The following GLI3 variants were observed in gnomAD, a reference collection of about 807,000 sequenced individuals.
The protein encoded by GLI3 is transcription activator GLI3.
Under a neutral mutation model 100.8 loss-of-function variants are expected in GLI3, and 20 were observed. That is an observed-to-expected ratio of 0.20 (90% confidence interval 0.14 to 0.29). The LOEUF is 0.29. Among genes scored for constraint, GLI3 ranks in the 10% least tolerant of loss-of-function variants. The pLI, the probability that GLI3 is intolerant of heterozygous loss-of-function variation, is 1.00. For missense variants in GLI3, 2,040 were observed against 2,128.5 expected, an observed-to-expected ratio of 0.96 and a Z score of 0.82; for synonymous variants, 938 against 860.5, an observed-to-expected ratio of 1.09 and a Z score of -1.58.
Position 41,966,455 on chromosome 7 carries a change from C to A in GLI3, c.2618G>T (p.Ser873Ile). ...CTGTGACGCCTCGCTGGAGCGGCGG[C>A]TGGAGAAGCAGGGCGAGATCCCTGA... ...RSSGISPCFS[S>I]RRSSEASQAE... The change falls in exon 15 of 15, where the codon AGC becomes ATC. Residue 873 changes from serine to isoleucine, a missense_variant. By Grantham distance (142) the Ser-to-Ile change is moderately radical (BLOSUM62 -2). This residue lies in a region of GLI3 where 327 missense variants were observed against 338.7 expected (regional missense o/e 0.97). Transcript: ENST00000395925. This position sits in a 1 kb window ranked among gnomAD's most constrained non-coding sequence, Gnocchi z 5.8. The A allele has an allele frequency of 6.2e-7, 1 of 1,612,316 alleles. No homozygotes were observed. Among genetic ancestry groups the A allele is most frequent in the Non-Finnish European group, 8.5e-7 (1 of 1,179,646 alleles).
At chr7:42,087,977 G>A (rs950116003) in intron 3 of GLI3, among the ~76,000 whole-genome samples, 20 of 152,080 alleles carry the variant, frequency 1.3e-4, no homozygotes, top group Admixed American at 1.2e-3. Flanking sequence ...TAAAGCACAC[G>A]ACATGGCTTC....
At chr7:42,042,410 C>A (rs1335406111) in intron 6 of GLI3, among the ~76,000 whole-genome samples, 1 of 152,164 alleles carries the variant, frequency 6.6e-6, no homozygotes, top group Non-Finnish European at 1.5e-5. Flanking sequence ...CCATGAGAGG[C>A]TAATTTCATC....
At chr7:42,170,320 C>CAATGTAGAAATA (rs1296382968) in intron 2 of GLI3, among the ~76,000 whole-genome samples, 2 of 146,610 alleles carry the variant, frequency 1.4e-5, no homozygotes, top group Non-Finnish European at 3.0e-5. Context: ...AAAAACTTCT[C>CAATGTAGAAATA]AATGTAGAAA....
intron 10 of GLI3, among the ~76,000 whole-genome samples, chr7:41,985,750 G>A (rs1291848104): frequency 6.6e-6 from 1 of 152,110 alleles, no homozygotes; most frequent in Non-Finnish European, 1.5e-5. Context: ...CTGTCATGAT[G>A]TGGATTATAT....
intron 4 of GLI3, among the ~76,000 whole-genome samples, chr7:42,061,610 T>A (rs1784570855): frequency 6.6e-6 from 1 of 152,180 alleles, no homozygotes; most frequent in Non-Finnish European, 1.5e-5. Context: ...GCTCTTTAGA[T>A]GTAACTGGAA....
At chr7:42,237,343 G>A (rs951419333), upstream of GLI3, among the ~76,000 whole-genome samples, 1 of 151,936 alleles carries the variant, frequency 6.6e-6, no homozygotes, top group South Asian at 2.1e-4. Flanking sequence ...TGGTTCAACC[G>A]CGGGAGGGAG....
At chr7:42,115,940 G>A (rs2128768679) in intron 3 of GLI3, among the ~76,000 whole-genome samples, 1 of 152,150 alleles carries the variant, frequency 6.6e-6, no homozygotes, top group Non-Finnish European at 1.5e-5. Context: ...AGAGATTGTT[G>A]TGGGTTGTCT....
chr7:42,021,041 G>A (rs1788926918), intron 10 of GLI3, among the ~76,000 whole-genome samples: 1 of 152,068 alleles, frequency 6.6e-6, no homozygotes, highest in Non-Finnish European at 1.5e-5. Context: ...CACCATTACT[G>A]CTGCCAGATA....
intron 3 of GLI3, among the ~76,000 whole-genome samples, chr7:42,105,804 C>T (rs1316465153): frequency 1.3e-5 from 2 of 152,034 alleles, no homozygotes; most frequent in African/African-American, 4.8e-5. Context: ...AATCAATTTT[C>T]CTCAAGCAAA....
chr7:41,972,270 C>A lies in GLI3; in HGVS notation c.2103+67G>T, dbSNP rs916937448. On this transcript the variant is annotated intron_variant, in intron 13 of 14. Coordinates refer to ENST00000395925, the MANE Select transcript of GLI3 (RefSeq NM_000168.6). This position sits in a 1 kb window ranked among gnomAD's most constrained non-coding sequence, Gnocchi z 4.4. ...GTGAGGACCGGGAAGTCCTGTCCCT[C>A]TATGCACCCTACCTGGCTCTTTTAA... is the stretch of plus-strand genomic sequence containing the variant. 5 of 1,461,288 alleles carry A rather than the reference C, an allele frequency of 3.4e-6. No individual in the cohort carries two copies. The East Asian group carries it at 1.1e-4, about 33-fold the overall frequency. 90.5% of individuals were successfully genotyped at this position (1,461,288 alleles called of 1,614,324 possible).
At chr7:42,135,116 A>G (rs1211513861) in intron 3 of GLI3, among the ~76,000 whole-genome samples, 2 of 152,152 alleles carry the variant, frequency 1.3e-5, no homozygotes, top group South Asian at 2.1e-4. Context: ...TTGATATGCA[A>G]CTTAATTGTT....
intron 1 of GLI3, among the ~76,000 whole-genome samples, chr7:42,259,171 T>C (rs1346420909): frequency 6.6e-6 from 1 of 152,236 alleles, no homozygotes; most frequent in Admixed American, 6.5e-5. Flanking sequence ...TGCTTTCAAA[T>C]ATTCAACTCA....
At chr7:42,049,165 T>C (rs370310346) in intron 4 of GLI3, among the ~76,000 whole-genome samples, 87 of 152,090 alleles carry the variant, frequency 5.7e-4, no homozygotes, top group African/African-American at 1.9e-3. Context: ...CAGAACAGAA[T>C]GAAAGAATAC....
intron 12 of GLI3, 106 bp downstream of exon 12, chr7:41,977,452 G>T: frequency 8.3e-7 from 1 of 1,197,892 alleles, no homozygotes; most frequent in Non-Finnish European, 1.2e-6. Flanking sequence ...TGCTGGGAAT[G>T]GCCAAGGGGA....
chr7:42,216,561 A>G (rs528494509), intron 2 of GLI3, among the ~76,000 whole-genome samples: 216 of 152,344 alleles, frequency 1.4e-3, no homozygotes, highest in Non-Finnish European at 2.6e-3. Context: ...GATGTTAATA[A>G]GAGGGGAAAG....
At chr7:42,191,539 C>A (rs1257919298) in intron 2 of GLI3, among the ~76,000 whole-genome samples, 1 of 152,042 alleles carries the variant, frequency 6.6e-6, no homozygotes, top group Admixed American at 6.6e-5. Flanking sequence ...GTAATCCCAG[C>A]TACTCGGGAC....
chr7:42,221,586 G>A (rs140688135), intron 2 of GLI3, among the ~76,000 whole-genome samples: 35 of 152,120 alleles, frequency 2.3e-4, no homozygotes, highest in Admixed American at 9.8e-4. Context: ...GTGCACTCAC[G>A]CAAACTATAA....
At chr7:42,213,296 T>C (rs187390484) in intron 2 of GLI3, among the ~76,000 whole-genome samples, 1 of 152,328 alleles carries the variant, frequency 6.6e-6, no homozygotes, top group East Asian at 1.9e-4. Flanking sequence ...ACCACTACAA[T>C]TTCAAAATAC....
intron 4 of GLI3, among the ~76,000 whole-genome samples, chr7:42,049,346 T>C (rs868238317): frequency 1.3e-5 from 2 of 152,260 alleles, no homozygotes; most frequent in Middle Eastern, 3.4e-3. Context: ...GTAAAATGAC[T>C]TTTATGGATC....
Sources: allele counts gnomAD v4.1 joint callset (sites outside exome capture counted in the v4.1 genomes callset), GRCh38; gene constraint gnomAD v4.1.1; regional missense constraint gnomAD v4.1.1; non-coding constraint Gnocchi (gnomAD v3.1); transcripts MANE v1.5; gene names NCBI Gene and HGNC (gene_info 2026-07-23, HGNC 2026-07-21).